HMBOX1: variants seen among roughly 807,000 people sequenced by gnomAD.
The protein encoded by HMBOX1 is homeobox-containing protein 1.
A neutral mutation model predicts 54.5 loss-of-function variants in HMBOX1; 14 were observed. That is an observed-to-expected ratio of 0.26 (90% CI 0.17 to 0.40). The LOEUF (loss-of-function observed/expected upper bound fraction) is 0.40. HMBOX1 is among the 10% of genes least tolerant of loss of function. The pLI, the probability that HMBOX1 is intolerant of heterozygous loss-of-function variation, is 1.00. For synonymous variants in HMBOX1, 160 were observed against 181.0 expected, an observed-to-expected ratio of 0.88 and a Z score of 0.93; for missense variants, 332 against 514.4, an observed-to-expected ratio of 0.65 and a Z score of 3.43.
In HMBOX1 at chr8:29,002,015, G is replaced by A. The variant is rs548290181; in HGVS notation, c.587-7057G>A. On this transcript the variant is annotated intron_variant, in intron 4 of 9. Transcript: ENST00000287701. Reference sequence around the variant, plus strand: ...TCTTAGTTATCTGTTGCAACATTAAGAACTTAGCATCTTGTAACATAAGCC... The same window carrying A: ...TCTTAGTTATCTGTTGCAACATTAAAAACTTAGCATCTTGTAACATAAGCC... Among the ~76,000 whole-genome samples, 387 of 152,308 alleles carry A rather than the reference G, an allele frequency of 2.5e-3. 2 individuals are homozygous for A. The highest frequency in any genetic ancestry group is 2.7e-3 in the Non-Finnish European group (183 of 68,014).
At chr8:29,040,821 T>C (rs1804700127) in intron 6 of HMBOX1, among the ~76,000 whole-genome samples, 1 of 152,136 alleles carries the variant, frequency 6.6e-6, no homozygotes, top group Admixed American at 6.5e-5. Context: ...TATGGTTAGA[T>C]CCTAAAAATA....
intron 3 of HMBOX1, among the ~76,000 whole-genome samples, chr8:28,971,735 A>T (rs1177453131): frequency 6.6e-6 from 1 of 152,172 alleles, no homozygotes; most frequent in Non-Finnish European, 1.5e-5. Context: ...GGAGACTTTG[A>T]GTTCCATACT....
chr8:28,894,677 T>C (rs952482309), intron 1 of HMBOX1, among the ~76,000 whole-genome samples: 7 of 152,196 alleles, frequency 4.6e-5, no homozygotes, highest in African/African-American at 1.4e-4. Flanking sequence ...TGTAAACTTT[T>C]AGTTGCAGTG....
chr8:29,049,388 CA>C, intron 9 of HMBOX1: 1 of 1,533,702 alleles, frequency 6.5e-7, no homozygotes. Context: ...GGATCTGATC[CA>C]AACAAGCAAG....
chr8:28,967,875 C>G (rs961046425), intron 2 of HMBOX1, among the ~76,000 whole-genome samples: 2 of 152,248 alleles, frequency 1.3e-5, no homozygotes, highest in East Asian at 3.9e-4. Context: ...AGGTGTAGAG[C>G]AGATACTGTG....
At chr8:28,982,630 CTT>C (rs1227107137) in intron 4 of HMBOX1, among the ~76,000 whole-genome samples, 20 of 143,818 alleles carry the variant, frequency 1.4e-4, no homozygotes, top group Non-Finnish European at 1.2e-4. Context: ...TTATTTTTTA[CTT>C]TTTTTTTTTT....
At chr8:29,012,291 T>C (rs886970993) in intron 5 of HMBOX1, among the ~76,000 whole-genome samples, 3 of 152,356 alleles carry the variant, frequency 2.0e-5, no homozygotes, top group African/African-American at 2.4e-5. Flanking sequence ...ACTAAAATTA[T>C]GTTAGCTTAT....
intron 2 of HMBOX1, 129 bp downstream of exon 2, chr8:28,964,019 T>C: frequency 1.6e-6 from 1 of 639,482 alleles, no homozygotes; most frequent in Non-Finnish European, 2.8e-6. Context: ...AGAAAATGAA[T>C]CAAATGTTAT....
At chr8:28,890,163 A>C (rs935040437), upstream of HMBOX1, 2 of 486,802 alleles carry the variant, frequency 4.1e-6, no homozygotes, top group African/African-American at 3.9e-5. Flanking sequence ...CCACCCCAGC[A>C]TGATATCATG....
chr8:28,952,993 C>T (rs1464984424), intron 1 of HMBOX1, among the ~76,000 whole-genome samples: 1 of 152,154 alleles, frequency 6.6e-6, no homozygotes, highest in Non-Finnish European at 1.5e-5. Context: ...TCTGCTAAGA[C>T]AAGGGAAGTC....
At chr8:28,996,022 C>A (rs1278693568) in intron 4 of HMBOX1, among the ~76,000 whole-genome samples, 1 of 151,866 alleles carries the variant, frequency 6.6e-6, no homozygotes, top group Non-Finnish European at 1.5e-5. Context: ...AGGAGAATGG[C>A]GTGAACCCGG....
chr8:28,903,007 A>C (rs1813532814), intron 1 of HMBOX1, among the ~76,000 whole-genome samples: 1 of 152,220 alleles, frequency 6.6e-6, no homozygotes, highest in Admixed American at 6.5e-5. Flanking sequence ...AACAATATAT[A>C]ATGGTGTCAG....
intron 9 of HMBOX1, chr8:29,050,187 G>GT: frequency 2.0e-6 from 2 of 978,138 alleles, no homozygotes; most frequent in Non-Finnish European, 2.4e-6. Flanking sequence ...TGTTTTGTTT[G>GT]TTTTTTTCCT....
At chr8:28,903,588 T>G (rs979074385) in intron 1 of HMBOX1, among the ~76,000 whole-genome samples, 6 of 152,186 alleles carry the variant, frequency 3.9e-5, no homozygotes, top group African/African-American at 1.4e-4. Flanking sequence ...AAGATATGGA[T>G]GAGGTGGGAC....
intron 1 of HMBOX1, among the ~76,000 whole-genome samples, chr8:28,928,545 C>G (rs953586632): frequency 1.3e-5 from 2 of 152,204 alleles, no homozygotes; most frequent in African/African-American, 2.4e-5. Context: ...AATAAAGTCA[C>G]TATCCATGCA....
intron 1 of HMBOX1, among the ~76,000 whole-genome samples, chr8:28,936,720 C>T (rs1230168771): frequency 6.7e-6 from 1 of 149,658 alleles, no homozygotes; most frequent in African/African-American, 2.5e-5. Flanking sequence ...TATAGAGATT[C>T]ATCCATTATA....
intron 8 of HMBOX1, 115 bp downstream of exon 8, chr8:29,047,568 T>A: frequency 2.3e-6 from 1 of 429,932 alleles, no homozygotes; most frequent in Non-Finnish European, 4.2e-6. Flanking sequence ...ACTTCTCTTT[T>A]TTTTTTTTTT....
At chr8:28,918,795 A>C (rs1427696122) in intron 1 of HMBOX1, among the ~76,000 whole-genome samples, 2 of 152,220 alleles carry the variant, frequency 1.3e-5, no homozygotes, top group Non-Finnish European at 2.9e-5. Flanking sequence ...TCAATAACAT[A>C]GTCATTTTCT....
chr8:29,024,204 T>C (rs1260581924), intron 6 of HMBOX1, among the ~76,000 whole-genome samples: 3 of 152,198 alleles, frequency 2.0e-5, no homozygotes, highest in South Asian at 4.1e-4. Flanking sequence ...AATGCTATTA[T>C]GACAAAAGGA....
Sources: allele counts gnomAD v4.1 joint callset (sites outside exome capture counted in the v4.1 genomes callset), GRCh38; gene constraint gnomAD v4.1.1; transcripts MANE v1.5; gene names NCBI Gene and HGNC (gene_info 2026-07-23, HGNC 2026-07-21).